The following C10orf90 variants were observed in gnomAD, a reference collection of about 807,000 sequenced individuals.
C10orf90 encodes chromosome 10 open reading frame 90, also known as (E2-independent) E3 ubiquitin-conjugating enzyme FATS.
In C10orf90, 56 loss-of-function variants were observed where a neutral mutation model predicts 62.5. The ratio of observed to expected loss-of-function variants is 0.90; its 90% CI spans 0.72 to 1.12. C10orf90 has a LOEUF of 1.12. C10orf90 is among the 50% of genes most tolerant of loss of function. The pLI is 0.00. For missense variants in C10orf90, 970 were observed against 880.4 expected, an observed-to-expected ratio of 1.10 and a Z score of -1.29; for synonymous variants, 386 against 340.4, an observed-to-expected ratio of 1.13 and a Z score of -1.47.
intron 4 of C10orf90, among the ~76,000 whole-genome samples, chr10:126,499,354 A>C (rs1266306580): frequency 6.6e-6 from 1 of 152,204 alleles, no homozygotes; most frequent in Non-Finnish European, 1.5e-5. Context: ...ACATATTTTC[A>C]ATCTGGCCCT....
At chr10:126,637,719 G>A (rs1845979939) in intron 2 of C10orf90, among the ~76,000 whole-genome samples, 1 of 152,222 alleles carries the variant, frequency 6.6e-6, no homozygotes, top group African/African-American at 2.4e-5. Context: ...CATGGTGGCA[G>A]AGGGTGGGAC....
chr10:126,438,763 G>A (rs1236709900), intron 7 of C10orf90, among the ~76,000 whole-genome samples: 1 of 152,062 alleles, frequency 6.6e-6, no homozygotes, highest in Admixed American at 6.5e-5. Flanking sequence ...GTGTGTGTGT[G>A]TGTGTGTGTG....
At chr10:126,476,908 CTTTTTTT>C (rs10590718) in intron 4 of C10orf90, among the ~76,000 whole-genome samples, 1 of 120,796 alleles carries the variant, frequency 8.3e-6, no homozygotes, top group Non-Finnish European at 1.7e-5. Flanking sequence ...CACCATTTTC[CTTTTTTT>C]TTTTTTTTTT....
chr10:126,656,671 G>A (rs573450362), intron 1 of C10orf90, among the ~76,000 whole-genome samples: 6 of 152,310 alleles, frequency 3.9e-5, no homozygotes, highest in African/African-American at 7.2e-5. Context: ...GCAGACGGGC[G>A]GCTGCCAGGG....
intron 2 of C10orf90, among the ~76,000 whole-genome samples, chr10:126,557,865 T>C (rs1286859483): frequency 6.6e-6 from 1 of 151,810 alleles, no homozygotes; most frequent in Non-Finnish European, 1.5e-5. Flanking sequence ...CGAGATGAGT[T>C]GGGCAAGGGA....
chr10:126,552,599 A>G (rs1353674506), intron 2 of C10orf90, among the ~76,000 whole-genome samples: 1 of 152,196 alleles, frequency 6.6e-6, no homozygotes, highest in African/African-American at 2.4e-5. Context: ...CTCACCCAAG[A>G]TGCTATGCCA....
chr10:126,649,398 C>G (rs912475693), intron 1 of C10orf90, among the ~76,000 whole-genome samples: 3 of 152,098 alleles, frequency 2.0e-5, no homozygotes, highest in Admixed American at 2.0e-4. Context: ...CCCTGCTCAT[C>G]TCTGTGGCAT....
At chr10:126,585,288 AAAGC>A (rs763822127) in intron 2 of C10orf90, among the ~76,000 whole-genome samples, 25 of 150,648 alleles carry the variant, frequency 1.7e-4, no homozygotes, top group East Asian at 4.0e-4. Flanking sequence ...AGAAACAAAG[AAAGC>A]AAGCAAGCAA....
At chr10:126,586,394 C>T (rs1251859492) in intron 2 of C10orf90, among the ~76,000 whole-genome samples, 2 of 152,208 alleles carry the variant, frequency 1.3e-5, no homozygotes, top group Admixed American at 1.3e-4. Flanking sequence ...ACGGAGGTGG[C>T]CCCAAGCCAC....
intron 4 of C10orf90, among the ~76,000 whole-genome samples, chr10:126,466,868 G>A (rs1860317255): frequency 6.6e-6 from 1 of 152,184 alleles, no homozygotes; most frequent in African/African-American, 2.4e-5. Flanking sequence ...TTGCTAAATT[G>A]TACAGAAAAT....
At chr10:126,499,692 A>C (rs991458145) in intron 4 of C10orf90, among the ~76,000 whole-genome samples, 3 of 152,064 alleles carry the variant, frequency 2.0e-5, no homozygotes, top group African/African-American at 7.3e-5. Context: ...ATCTTTATTC[A>C]CTAGTGATGC....
At chr10:126,598,836 G>A (rs1224288842) in intron 2 of C10orf90, among the ~76,000 whole-genome samples, 1 of 152,140 alleles carries the variant, frequency 6.6e-6, no homozygotes, top group African/African-American at 2.4e-5. Context: ...ATGAAAACTA[G>A]GGAGTCAGGC....
intron 2 of C10orf90, among the ~76,000 whole-genome samples, chr10:126,574,961 C>T (rs7101156): frequency 0.034 from 5,240 of 152,094 alleles, 307 homozygotes; most frequent in African/African-American, 0.12. Flanking sequence ...TAAGATAAAA[C>T]GCCTCTTACA....
intron 2 of C10orf90, among the ~76,000 whole-genome samples, chr10:126,615,285 G>C (rs1187072765): frequency 4.6e-5 from 7 of 152,216 alleles, no homozygotes; most frequent in African/African-American, 1.7e-4. Context: ...TGTGGCTACA[G>C]AGATGCATAA....
At chr10:126,505,218 C>T in intron 3 of C10orf90, 133 bp from the exon 4 acceptor site, 2 of 827,602 alleles carry the variant, frequency 2.4e-6, no homozygotes, top group Non-Finnish European at 1.8e-6. Flanking sequence ...AGGCTTTTTA[C>T]TGCACACCTG....
chr10:126,520,324 C>A (rs955641463), intron 2 of C10orf90: 2 of 31,330 alleles, frequency 6.4e-5, no homozygotes, highest in African/African-American at 3.2e-4. Flanking sequence ...GCCACATGGT[C>A]CTCCAAAACT....
rs551973906 is a variant in C10orf90 at position 126,477,076 on chromosome 10, A to ATTTTTTTTTTTTTT, written c.1535-12104_1535-12091dup. Among the ~76,000 whole-genome samples, 22 of 56,484 alleles carry ATTTTTTTTTTTTTT rather than the reference A, an allele frequency of 3.9e-4. 5 individuals carry two copies. The highest frequency in any genetic ancestry group is 6.2e-4 in the Admixed American group (2 of 3,238). The allele number at this position is 56,484 out of a possible 152,430, so 37.1% of individuals were successfully genotyped here. ...AGGTGCCCAACATCACGCCTGGCTA[A>ATTTTTTTTTTTTTT]TTTTTTTTTTTTTTTTTTTTTTTTT... On this transcript the variant is annotated intron_variant, in intron 4 of 9. Transcript: ENST00000488181.
intron 6 of C10orf90, among the ~76,000 whole-genome samples, chr10:126,459,683 C>T (rs141428201): frequency 8.5e-4 from 130 of 152,348 alleles, no homozygotes; most frequent in Middle Eastern, 3.4e-3. Flanking sequence ...GCGTGAAAAA[C>T]GTGCTCTTTC....
intron 3 of C10orf90, among the ~76,000 whole-genome samples, chr10:126,513,462 T>A (rs1406660979): frequency 6.6e-6 from 1 of 152,212 alleles, no homozygotes; most frequent in African/African-American, 2.4e-5. Flanking sequence ...ATATGACCTC[T>A]AATTTTCCTC....
Sources: gnomAD v4.1 joint callset for allele counts (sites outside exome capture counted in the v4.1 genomes callset) on GRCh38, gnomAD v4.1.1 for gene constraint, MANE v1.5 for transcripts, NCBI Gene and HGNC (gene_info 2026-07-23, HGNC 2026-07-21) for gene names.